Variants in NKAIN3 observed in about 807,000 individuals in gnomAD.
NKAIN3 encodes sodium/potassium transporting ATPase interacting 3.
In NKAIN3, 25 loss-of-function variants were observed where a neutral mutation model predicts 30.2. The observed-to-expected ratio is 0.83, with a 90% CI of 0.60 to 1.16. The LOEUF (loss-of-function observed/expected upper bound fraction) is 1.16. NKAIN3 is among the 50% of genes most tolerant of loss of function. The probability of loss-of-function intolerance (pLI) is 0.00; values close to 1 mark genes in which losing one functional copy is unlikely to be tolerated. For synonymous variants in NKAIN3, 91 were observed against 89.6 expected (o/e 1.02, Z -0.09); for missense variants, 225 against 254.1 (o/e 0.89, Z 0.78).
At chr8:62,902,112 C>T (rs548356172) in intron 4 of NKAIN3, among the ~76,000 whole-genome samples, 4 of 152,268 alleles carry the variant, frequency 2.6e-5, no homozygotes, top group Non-Finnish European at 4.4e-5. Context: ...CTGGGGACCT[C>T]AGCTCTCAAT....
chr8:62,905,305 G>A (rs1339991052), intron 4 of NKAIN3, among the ~76,000 whole-genome samples: 1 of 152,148 alleles, frequency 6.6e-6, no homozygotes, highest in Non-Finnish European at 1.5e-5. Context: ...GAGCCAGGCT[G>A]AAGCAGGATC....
At position 62,979,881 on chromosome 8, in the gene NKAIN3, C is replaced by CT. The variant is rs1824035642; in HGVS notation, c.*14474_*14475insT. The CT allele has an allele frequency of 2.0e-5, 3 of 152,404 alleles. No individual in the cohort carries two copies. Among genetic ancestry groups the CT allele is most frequent in the South Asian group, 4.1e-4 (2 of 4,824 alleles). 9.4% of individuals were successfully genotyped at this position (152,404 alleles called of 1,614,324 possible). ...AGGCTACAGGGCAGCTGCAGAAAGA[C>CT]ACCTGCTATTGGCTTACCTGCTCCT... On this transcript the variant is annotated 3_prime_UTR_variant, in exon 7 of 7. Transcript: ENST00000623646.
At chr8:62,488,082 T>C (rs1483321328) in intron 1 of NKAIN3, among the ~76,000 whole-genome samples, 1 of 152,240 alleles carries the variant, frequency 6.6e-6, no homozygotes, top group African/African-American at 2.4e-5. Flanking sequence ...ACATTGCATC[T>C]TTAAACTGAA....
chr8:62,625,391 T>A (rs1431436150), intron 3 of NKAIN3, among the ~76,000 whole-genome samples: 2 of 152,092 alleles, frequency 1.3e-5, no homozygotes, highest in African/African-American at 2.4e-5. Flanking sequence ...TATGGCTAAT[T>A]AATGGAGAAA....
chr8:62,676,022 C>T (rs1813465132), intron 3 of NKAIN3, among the ~76,000 whole-genome samples: 1 of 152,132 alleles, frequency 6.6e-6, no homozygotes, highest in Non-Finnish European at 1.5e-5. Context: ...GCAGCTTTTC[C>T]ATAACATTCA....
intron 3 of NKAIN3, among the ~76,000 whole-genome samples, chr8:62,643,956 A>G (rs1812385266): frequency 6.6e-6 from 1 of 152,034 alleles, no homozygotes; most frequent in African/African-American, 2.4e-5. Context: ...TGCTCAGACT[A>G]CATTTTCATG....
At chr8:62,903,249 C>T (rs1234094662) in intron 4 of NKAIN3, among the ~76,000 whole-genome samples, 2 of 152,108 alleles carry the variant, frequency 1.3e-5, no homozygotes, top group African/African-American at 4.8e-5. Flanking sequence ...GAAGAGTGAA[C>T]CAAATTTCTT....
intron 3 of NKAIN3, among the ~76,000 whole-genome samples, chr8:62,651,231 T>G (rs1394780391): frequency 6.6e-6 from 1 of 152,160 alleles, no homozygotes; most frequent in Non-Finnish European, 1.5e-5. Flanking sequence ...TTTATTCAAC[T>G]TATAGTTTAA....
chr8:62,773,596 G>C (rs1817091114), intron 4 of NKAIN3, among the ~76,000 whole-genome samples: 1 of 152,082 alleles, frequency 6.6e-6, no homozygotes, highest in African/African-American at 2.4e-5. Flanking sequence ...GACCTGGTGG[G>C]ACATAATTGC....
intron 1 of NKAIN3, among the ~76,000 whole-genome samples, chr8:62,327,397 G>A (rs999365942): frequency 1.3e-5 from 2 of 151,996 alleles, no homozygotes; most frequent in African/African-American, 4.8e-5. Context: ...TTCCAAATCT[G>A]ATGTTGTGAA....
chr8:62,261,082 A>G (rs1210133625), intron 1 of NKAIN3, among the ~76,000 whole-genome samples: 1 of 152,118 alleles, frequency 6.6e-6, no homozygotes, highest in Non-Finnish European at 1.5e-5. Flanking sequence ...CTAGCATATC[A>G]CCAGGCAGGG....
At chr8:62,477,625 T>C (rs1806563864) in intron 1 of NKAIN3, among the ~76,000 whole-genome samples, 1 of 152,138 alleles carries the variant, frequency 6.6e-6, no homozygotes, top group Non-Finnish European at 1.5e-5. Context: ...TGCTTCATTT[T>C]GTGGAGAAGG....
intron 1 of NKAIN3, among the ~76,000 whole-genome samples, chr8:62,367,637 C>T (rs1319433554): frequency 6.6e-6 from 1 of 152,100 alleles, no homozygotes; most frequent in Non-Finnish European, 1.5e-5. Context: ...TATTTATGCT[C>T]AATGGTGAAA....
chr8:62,758,376 A>G (rs1319858429), intron 4 of NKAIN3, among the ~76,000 whole-genome samples: 2 of 152,178 alleles, frequency 1.3e-5, no homozygotes, highest in Non-Finnish European at 2.9e-5. Flanking sequence ...CCTGGTTTTT[A>G]TAATCATACT....
In NKAIN3 at chr8:62,973,852, G is replaced by A. The variant is rs1823886527; in HGVS notation, c.*8445G>A. The stretch of plus-strand genomic sequence containing the variant: ...GAGTTAATTTTTGTACAAGATGTAA[G>A]GAAGGGGTCCAGTTTCAGTTTTCTG... On this transcript the variant is annotated 3_prime_UTR_variant, in exon 7 of 7. Transcript: ENST00000623646. 6.6e-6 allele frequency among the ~76,000 whole-genome samples: 1 copy of A among 152,166 alleles called. No individual in the cohort carries two copies. Among genetic ancestry groups the A allele is most frequent in the Admixed American group, 6.5e-5 (1 of 15,270 alleles).
chr8:62,910,007 G>T (rs1430593449), intron 4 of NKAIN3, among the ~76,000 whole-genome samples: 1 of 152,008 alleles, frequency 6.6e-6, no homozygotes, highest in African/African-American at 2.4e-5. Flanking sequence ...ACATTGTTCT[G>T]TTCTTTTAAA....
rs189693474 is a variant in NKAIN3 at position 62,261,554 on chromosome 8, A to G, written c.54+12427A>G. Among the ~76,000 whole-genome samples, 277 of 152,324 alleles carry G rather than the reference A, an allele frequency of 1.8e-3. 1 individual carries two copies. Among genetic ancestry groups the G allele is most frequent in the African/African-American group, 6.4e-3 (266 of 41,566 alleles). On this transcript the variant is annotated intron_variant, in intron 1 of 6. Transcript: ENST00000623646. ...CCACCTGTTGGCATCATTGGTCCTAATTAGCTTCTTCCACAAGGATGTCAA... is the reference window on the plus strand; with the variant it reads ...CCACCTGTTGGCATCATTGGTCCTAGTTAGCTTCTTCCACAAGGATGTCAA...
At chr8:62,511,011 A>G (rs1807799514) in intron 1 of NKAIN3, among the ~76,000 whole-genome samples, 3 of 152,032 alleles carry the variant, frequency 2.0e-5, no homozygotes. Flanking sequence ...CCTCCTAAGG[A>G]AACCCACATA....
chr8:62,650,082 A>C (rs1366382096), intron 3 of NKAIN3, among the ~76,000 whole-genome samples: 1 of 152,184 alleles, frequency 6.6e-6, no homozygotes, highest in East Asian at 1.9e-4. Flanking sequence ...TGAAAAAAAA[A>C]CTGCATTTTG....
Sources: allele counts gnomAD v4.1 joint callset (sites outside exome capture counted in the v4.1 genomes callset), GRCh38; gene constraint gnomAD v4.1.1; transcripts MANE v1.5; gene names NCBI Gene and HGNC (gene_info 2026-07-23, HGNC 2026-07-21).